The following MGAT4C variants were observed in gnomAD, a reference collection of about 807,000 sequenced individuals.
MGAT4C encodes the protein MGAT4 family member C.
MGAT4C carries 19 observed loss-of-function variants against 40.1 expected under a neutral mutation model. The observed-to-expected ratio is 0.47, with a 90% CI of 0.33 to 0.70. MGAT4C has a LOEUF of 0.70. Ranked by LOEUF, MGAT4C falls within the 30% of genes least tolerant of loss-of-function variation. The pLI is 0.02. For missense variants in MGAT4C, 491 were observed against 563.2 expected (o/e 0.87, Z 1.30); for synonymous variants, 181 against 187.1 (o/e 0.97, Z 0.27).
At chr12:86,613,331 C>G (rs765549281) in intron 2 of MGAT4C, among the ~76,000 whole-genome samples, 5 of 152,106 alleles carry the variant, frequency 3.3e-5, no homozygotes, top group Admixed American at 6.5e-5. Context: ...AAAAATTACA[C>G]TTGTATTATT....
intron 3 of MGAT4C, among the ~76,000 whole-genome samples, chr12:86,425,179 C>T (rs1956902506): frequency 6.6e-6 from 1 of 152,136 alleles, no homozygotes; most frequent in South Asian, 2.1e-4. Flanking sequence ...ATTTCTTGCT[C>T]TGAACATTAT....
chr12:86,653,986 A>C (rs1324298471), intron 2 of MGAT4C, among the ~76,000 whole-genome samples: 1 of 151,976 alleles, frequency 6.6e-6, no homozygotes, highest in African/African-American at 2.4e-5. Flanking sequence ...GGGAAAAATA[A>C]AAACAAGCAA....
At chr12:86,354,298 C>A (rs1955253967) in intron 3 of MGAT4C, among the ~76,000 whole-genome samples, 1 of 152,086 alleles carries the variant, frequency 6.6e-6, no homozygotes, top group Non-Finnish European at 1.5e-5. Context: ...TTAACAGGAC[C>A]CATAGTATTA....
chr12:86,253,699 T>G (rs1952399340), intron 1 of MGAT4C, among the ~76,000 whole-genome samples: 1 of 151,976 alleles, frequency 6.6e-6, no homozygotes, highest in Admixed American at 6.6e-5. Flanking sequence ...CTATATTTTT[T>G]GGCTTAAGTA....
chr12:86,639,004 A>G (rs1464690735), intron 2 of MGAT4C, among the ~76,000 whole-genome samples: 2 of 151,850 alleles, frequency 1.3e-5, no homozygotes, highest in African/African-American at 4.8e-5. Context: ...TAATATTTCT[A>G]TCTATTGGTT....
chr12:86,424,619 G>A lies in MGAT4C; in HGVS notation c.-120+10538C>T, dbSNP rs954613524. ...ATCCATTGATTCCCAAGTGGGGATG[G>A]CTGGGCAGCATGAATAGCATCTGCA... On this transcript the variant is annotated intron_variant, in intron 3 of 7. Transcript: ENST00000548651. Among the ~76,000 whole-genome samples the A allele has an allele frequency of 3.9e-5, 6 of 152,070 alleles. No individual in the cohort carries two copies. In the South Asian group the frequency reaches 1.2e-3, roughly 32 times the overall value.
At chr12:86,556,508 G>T (rs908223503) in intron 2 of MGAT4C, among the ~76,000 whole-genome samples, 10 of 152,008 alleles carry the variant, frequency 6.6e-5, no homozygotes, top group Non-Finnish European at 1.5e-4. Context: ...AATGTTTAGG[G>T]TTTTTGTGTA....
chr12:86,690,092 C>T (rs563716842), intron 2 of MGAT4C, among the ~76,000 whole-genome samples: 1 of 152,292 alleles, frequency 6.6e-6, no homozygotes, highest in African/African-American at 2.4e-5. Flanking sequence ...ATTCGAACTT[C>T]CCAGTGGCTT....
chr12:86,315,711 A>G (rs1348966131), intron 4 of MGAT4C, among the ~76,000 whole-genome samples: 1 of 152,060 alleles, frequency 6.6e-6, no homozygotes, highest in East Asian at 1.9e-4. Context: ...GTTTCAAAGT[A>G]AAAAGAAAAA....
intron 1 of MGAT4C, among the ~76,000 whole-genome samples, chr12:86,247,766 G>C (rs1041264616): frequency 7.2e-5 from 11 of 151,876 alleles, no homozygotes; most frequent in Admixed American, 3.9e-4. Context: ...AATGTTGCTG[G>C]AACACACAGA....
intron 2 of MGAT4C, among the ~76,000 whole-genome samples, chr12:86,514,067 AACACACACACACAC>A (rs71078908): frequency 2.5e-4 from 33 of 134,022 alleles, no homozygotes; most frequent in South Asian, 9.8e-4. Flanking sequence ...GCCATGCACC[AACACACACACACAC>A]ACACACACAC....
At position 86,379,753 on chromosome 12, in the gene MGAT4C, G is replaced by A. The variant is rs148475601; in HGVS notation, c.-119-45626C>T. Among the ~76,000 whole-genome samples, 176 of 152,070 alleles carry A rather than the reference G, an allele frequency of 1.2e-3. 3 individuals carry two copies. The highest frequency in any genetic ancestry group is 1.0e-3 in the Non-Finnish European group (71 of 67,924). The stretch of plus-strand genomic sequence containing the variant: ...TTCAGTCATAATCTAAGGCTTGCTC[G>A]TTTCTATTACAAATTTCAATAATCT... On this transcript the variant is annotated intron_variant, in intron 3 of 7. Coordinates refer to the MGAT4C transcript ENST00000548651.
intron 2 of MGAT4C, among the ~76,000 whole-genome samples, chr12:86,558,486 CA>C (rs1959716006): frequency 6.6e-6 from 1 of 152,040 alleles, no homozygotes; most frequent in African/African-American, 2.4e-5. Context: ...TATAACCAAG[CA>C]AAACACAAAC....
At chr12:86,584,154 T>C (rs1222472207) in intron 2 of MGAT4C, among the ~76,000 whole-genome samples, 1 of 150,858 alleles carries the variant, frequency 6.6e-6, no homozygotes, top group Non-Finnish European at 1.5e-5. Context: ...CACATATACA[T>C]TGAGTGCTAT....
intron 2 of MGAT4C, among the ~76,000 whole-genome samples, chr12:86,620,128 CA>C (rs1475838203): frequency 6.6e-6 from 1 of 152,124 alleles, no homozygotes; most frequent in African/African-American, 2.4e-5. Flanking sequence ...TAAATTACTA[CA>C]ACCTCTATGG....
intron 3 of MGAT4C, among the ~76,000 whole-genome samples, chr12:85,988,775 A>C (rs1453212161): frequency 6.6e-6 from 1 of 152,020 alleles, no homozygotes; most frequent in Admixed American, 6.5e-5. Context: ...TCCCTAAAAA[A>C]ACCTATTTAT....
chr12:86,641,584 T>G (rs1963389938), intron 2 of MGAT4C, among the ~76,000 whole-genome samples: 1 of 151,796 alleles, frequency 6.6e-6, no homozygotes, highest in Non-Finnish European at 1.5e-5. Context: ...TGATCCCTGA[T>G]AAGAATGAAT....
chr12:86,588,287 A>G (rs1430844520), intron 2 of MGAT4C, among the ~76,000 whole-genome samples: 3 of 152,024 alleles, frequency 2.0e-5, no homozygotes, highest in Non-Finnish European at 4.4e-5. Flanking sequence ...AAACCAAAAA[A>G]GATCAAAAGA....
At chr12:86,265,190 T>G (rs1337820030) in intron 4 of MGAT4C, among the ~76,000 whole-genome samples, 1 of 149,720 alleles carries the variant, frequency 6.7e-6, no homozygotes, top group Non-Finnish European at 1.5e-5. Context: ...GCTCCACGCC[T>G]GGCTCACCCA....
Sources: allele counts gnomAD v4.1 joint callset (sites outside exome capture counted in the v4.1 genomes callset), GRCh38; gene constraint gnomAD v4.1.1; transcripts MANE v1.5; gene names NCBI Gene and HGNC (gene_info 2026-07-23, HGNC 2026-07-21).